The following RIMS1 variants were observed in gnomAD, a reference collection of about 807,000 sequenced individuals.
RIMS1 encodes regulating synaptic membrane exocytosis 1.
Under a neutral mutation model 214.1 loss-of-function variants are expected in RIMS1, and 83 were observed. The observed-to-expected ratio is 0.39, with a 90% CI of 0.32 to 0.47. RIMS1 has a LOEUF of 0.47. Ranked by LOEUF, RIMS1 falls within the 20% of genes least tolerant of loss-of-function variation. The pLI is 0.99. For synonymous variants in RIMS1, 793 were observed against 786.8 expected (o/e 1.01, Z -0.13); for missense variants, 2,050 against 2,161.8 (o/e 0.95, Z 1.03).
At chr6:72,330,951 GA>G (rs369522266) in intron 28 of RIMS1, among the ~76,000 whole-genome samples, 2,494 of 149,802 alleles carry the variant, frequency 0.017, 64 homozygotes, top group African/African-American at 0.055. Flanking sequence ...TATTTTTTGA[GA>G]AAAAAAAACT....
chr6:71,917,941 GTGT>G (rs1373876291), intron 1 of RIMS1, among the ~76,000 whole-genome samples: 1 of 152,200 alleles, frequency 6.6e-6, no homozygotes, highest in African/African-American at 2.4e-5. Context: ...TGCTGTGATG[GTGT>G]TCACTTGGAG....
Position 72,402,658 on chromosome 6 carries a change from C to G in RIMS1, c.*1944C>G, listed in dbSNP as rs2098841814. ...GCATTGGTGCACTTCTACTAGATTC[C>G]GTTCTGTCTTAGTGGCCAACAATCA... On this transcript the variant is annotated 3_prime_UTR_variant, in exon 34 of 34. Transcript: ENST00000521978. 6.6e-6 allele frequency: 1 copy of G among 152,606 alleles called. No homozygotes were observed. Among genetic ancestry groups the G allele is most frequent in the Non-Finnish European group, 1.5e-5 (1 of 68,040 alleles). The allele number at this position is 152,606 out of a possible 1,614,324, so 9.5% of individuals were successfully genotyped here.
At chr6:72,006,821 G>T (rs1807861478) in intron 2 of RIMS1, among the ~76,000 whole-genome samples, 1 of 152,226 alleles carries the variant, frequency 6.6e-6, no homozygotes, top group South Asian at 2.1e-4. Flanking sequence ...AAACAAAGCG[G>T]CCGGGAAGCT....
intron 1 of RIMS1, among the ~76,000 whole-genome samples, chr6:71,900,763 C>A (rs962974725): frequency 1.3e-5 from 2 of 151,844 alleles, no homozygotes. Flanking sequence ...TTGAGAAATC[C>A]GAGAGAGATA....
chr6:72,034,988 A>G (rs1585316451), intron 2 of RIMS1, among the ~76,000 whole-genome samples: 1 of 152,178 alleles, frequency 6.6e-6, no homozygotes, highest in African/African-American at 2.4e-5. Flanking sequence ...ATTGTTTACT[A>G]TATTCAACTA....
intron 6 of RIMS1, among the ~76,000 whole-genome samples, chr6:72,232,371 A>G (rs1245089438): frequency 1.3e-5 from 2 of 151,692 alleles, no homozygotes; most frequent in East Asian, 3.8e-4. Context: ...AGAGAGAGCT[A>G]CTTTAAGAAT....
Position 72,127,477 on chromosome 6 carries a change from C to G in RIMS1, c.471+27491C>G, listed in dbSNP as rs191600903. Among the ~76,000 whole-genome samples the G allele has an allele frequency of 1.3e-3, 191 of 152,194 alleles. 1 individual carries two copies. The South Asian group carries it at 0.017, about 13-fold the overall frequency. ...TGTCTTGAGAATTTATTTTGTGAGG[C>G]CAGCAAGGAATTCAGTCTCAGTAAT... On this transcript the variant is annotated intron_variant, in intron 4 of 33. Transcript: ENST00000521978.
At chr6:72,321,896 A>G (rs905774978) in intron 28 of RIMS1, among the ~76,000 whole-genome samples, 4 of 152,090 alleles carry the variant, frequency 2.6e-5, no homozygotes, top group Non-Finnish European at 4.4e-5. Context: ...TTACTTCTCA[A>G]AGAGAACTCA....
At chr6:72,384,669 T>C (rs1260080055) in intron 29 of RIMS1, among the ~76,000 whole-genome samples, 2 of 152,182 alleles carry the variant, frequency 1.3e-5, no homozygotes, top group Non-Finnish European at 2.9e-5. Flanking sequence ...GTGTATTTCC[T>C]CCCCAAGTTC....
intron 2 of RIMS1, among the ~76,000 whole-genome samples, chr6:72,085,090 G>A (rs987772208): frequency 2.0e-5 from 3 of 151,952 alleles, no homozygotes; most frequent in Non-Finnish European, 4.4e-5. Context: ...CACATAAGAT[G>A]TTGTAAAGAA....
intron 10 of RIMS1, among the ~76,000 whole-genome samples, chr6:72,243,085 A>G (rs1030885219): frequency 6.6e-6 from 1 of 151,748 alleles, no homozygotes; most frequent in African/African-American, 2.4e-5. Context: ...ACATGGTCCA[A>G]AATAAATATT....
intron 1 of RIMS1, among the ~76,000 whole-genome samples, chr6:71,967,215 C>G (rs540575058): frequency 6.6e-6 from 1 of 152,124 alleles, no homozygotes; most frequent in South Asian, 2.1e-4. Flanking sequence ...GGTGAAACCC[C>G]GTCTCTACTA....
intron 6 of RIMS1, among the ~76,000 whole-genome samples, chr6:72,204,723 A>G (rs975301908): frequency 3.9e-5 from 6 of 152,196 alleles, no homozygotes; most frequent in African/African-American, 1.4e-4. Flanking sequence ...CTAAAGTGAT[A>G]GTTTATAGTT....
chr6:72,197,826 GC>G (rs1339701588), intron 6 of RIMS1, among the ~76,000 whole-genome samples: 1 of 152,076 alleles, frequency 6.6e-6, no homozygotes, highest in Non-Finnish European at 1.5e-5. Flanking sequence ...CCATGGGGAT[GC>G]CCAAAGATGA....
chr6:72,192,581 C>T (rs1241661210), intron 6 of RIMS1, among the ~76,000 whole-genome samples: 3 of 152,188 alleles, frequency 2.0e-5, no homozygotes, highest in African/African-American at 4.8e-5. Flanking sequence ...ATGCAGTAGG[C>T]GTCCTATCAA....
intron 2 of RIMS1, among the ~76,000 whole-genome samples, chr6:72,091,017 ACTGATCTGTTTT>A: frequency 6.6e-6 from 1 of 152,140 alleles, no homozygotes; most frequent in East Asian, 1.9e-4. Flanking sequence ...GCGTGATGGC[ACTGATCTGTTTT>A]CTGTGCCAAA....
intron 29 of RIMS1, among the ~76,000 whole-genome samples, chr6:72,357,454 G>T (rs2097684073): frequency 6.6e-6 from 1 of 152,314 alleles, no homozygotes; most frequent in Middle Eastern, 3.4e-3. Context: ...AGACTTAGGG[G>T]ATTGTTCTGT....
intron 29 of RIMS1, among the ~76,000 whole-genome samples, chr6:72,375,969 T>C (rs549822283): frequency 6.6e-6 from 1 of 152,356 alleles, no homozygotes; most frequent in African/African-American, 2.4e-5. Flanking sequence ...CTTGGTTTTA[T>C]AAATGCAAGA....
chr6:72,105,107 A>G (rs1041766736), intron 4 of RIMS1, among the ~76,000 whole-genome samples: 1 of 151,798 alleles, frequency 6.6e-6, no homozygotes, highest in Non-Finnish European at 1.5e-5. Context: ...ATTTTTTTTT[A>G]AATTTTTGTA....
Sources: gnomAD v4.1 joint callset for allele counts (sites outside exome capture counted in the v4.1 genomes callset) on GRCh38, gnomAD v4.1.1 for gene constraint, MANE v1.5 for transcripts, NCBI Gene and HGNC (gene_info 2026-07-23, HGNC 2026-07-21) for gene names.